Variants in ANO2 observed in about 807,000 individuals in gnomAD.
ANO2 encodes anoctamin-2.
A neutral mutation model predicts 124.2 loss-of-function variants in ANO2; 101 were observed. That is an observed-to-expected ratio of 0.81 (90% CI 0.69 to 0.96). ANO2 has a LOEUF of 0.96. Among genes scored for constraint, ANO2 ranks in the 40% least tolerant of loss-of-function variants. The pLI, the probability that ANO2 is intolerant of heterozygous loss-of-function variation, is 0.00. For synonymous variants in ANO2, 486 were observed against 482.5 expected, an observed-to-expected ratio of 1.01 and a Z score of -0.09; for missense variants, 1,293 against 1,274.5, an observed-to-expected ratio of 1.01 and a Z score of -0.22.
At chr12:5,629,352 C>T (rs886414959) in intron 16 of ANO2, among the ~76,000 whole-genome samples, 10 of 152,186 alleles carry the variant, frequency 6.6e-5, no homozygotes, top group Non-Finnish European at 1.2e-4. Context: ...AGAGACAGGC[C>T]GCCTTTCCAG....
At chr12:5,850,462 A>C (rs1455712234) in intron 4 of ANO2, among the ~76,000 whole-genome samples, 1 of 151,638 alleles carries the variant, frequency 6.6e-6, no homozygotes, top group East Asian at 1.9e-4. Flanking sequence ...ATCTGGGGCC[A>C]TGTGGTAAAA....
chr12:5,832,351 G>T, intron 5 of ANO2, 101 bp downstream of exon 5: 1 of 1,397,320 alleles, frequency 7.2e-7, no homozygotes. Context: ...CCAGGCACTG[G>T]GGCACCCACT....
At chr12:5,720,436 A>C (rs1020787293) in intron 14 of ANO2, among the ~76,000 whole-genome samples, 5 of 152,192 alleles carry the variant, frequency 3.3e-5, no homozygotes, top group African/African-American at 1.2e-4. Flanking sequence ...AAGGAAGTGA[A>C]ATAACGACCT....
intron 13 of ANO2, among the ~76,000 whole-genome samples, chr12:5,733,438 T>C (rs1030807040): frequency 1.3e-5 from 2 of 152,230 alleles, no homozygotes; most frequent in African/African-American, 4.8e-5. Flanking sequence ...CAGGTCTTCC[T>C]TACGGTTTCC....
At position 5,904,138 on chromosome 12, in the gene ANO2, C is replaced by G. The variant is rs550257957; in HGVS notation, c.534+16902G>C. Among the ~76,000 whole-genome samples the G allele has an allele frequency of 1.3e-5, 2 of 152,266 alleles. No individual in the cohort carries two copies. The highest frequency in any genetic ancestry group is 2.1e-4 in the South Asian group (1 of 4,822). The stretch of plus-strand genomic sequence containing the variant: ...CAGGCCTCTGTGCTTGAAGAGTGTT[C>G]CAGCCCAAATGTTGCCTGGCTGCTG... On this transcript the variant is annotated intron_variant, in intron 3 of 24. Coordinates refer to ENST00000682330, the MANE Select transcript of ANO2 (RefSeq NM_001364791.2). This position sits in a 1 kb window ranked among gnomAD's most constrained non-coding sequence, Gnocchi z 4.1.
chr12:5,760,786 T>G (rs1951717489), intron 10 of ANO2, among the ~76,000 whole-genome samples: 1 of 152,048 alleles, frequency 6.6e-6, no homozygotes, highest in Admixed American at 6.5e-5. Flanking sequence ...CTTTAACACC[T>G]AAAACTCCTC....
chr12:5,903,960 G>A (rs2136285090), intron 3 of ANO2, among the ~76,000 whole-genome samples: 1 of 152,282 alleles, frequency 6.6e-6, no homozygotes, highest in Non-Finnish European at 1.5e-5. Context: ...CCCTCCGTGA[G>A]TAGCCCCCAC....
chr12:5,798,633 A>T (rs1952945360), intron 10 of ANO2, among the ~76,000 whole-genome samples: 1 of 152,220 alleles, frequency 6.6e-6, no homozygotes, highest in African/African-American at 2.4e-5. Flanking sequence ...CCAGCGGCCC[A>T]TCTTTTCCAA....
At chr12:5,698,053 T>G (rs959609324) in intron 14 of ANO2, among the ~76,000 whole-genome samples, 1 of 152,144 alleles carries the variant, frequency 6.6e-6, no homozygotes. Flanking sequence ...CAGCAGAAAT[T>G]TCTGCAGACT....
intron 23 of ANO2, among the ~76,000 whole-genome samples, chr12:5,571,930 A>C (rs1942147874): frequency 6.6e-6 from 1 of 152,168 alleles, no homozygotes; most frequent in Non-Finnish European, 1.5e-5. Flanking sequence ...CAGCCCCCAG[A>C]GCACACCTAT....
At chr12:5,748,738 C>T (rs934592813) in intron 11 of ANO2, among the ~76,000 whole-genome samples, 2 of 151,962 alleles carry the variant, frequency 1.3e-5, no homozygotes, top group Non-Finnish European at 1.5e-5. Context: ...ATGCCTCATG[C>T]TAGATGCACT....
At position 5,697,440 on chromosome 12, in the gene ANO2, T is replaced by C. The variant is rs552034952; in HGVS notation, c.1545+35080A>G. On this transcript the variant is annotated intron_variant, in intron 14 of 24. Coordinates refer to ENST00000682330, the MANE Select transcript of ANO2 (RefSeq NM_001364791.2). The stretch of plus-strand genomic sequence containing the variant: ...GAGCAAGACTCAGTCTCAAAAAAAA[T>C]AAATAAATAAAATTAAAAAATTAAA... Among the ~76,000 whole-genome samples, 12 of 151,728 alleles carry C rather than the reference T, an allele frequency of 7.9e-5. No homozygotes were observed. In the South Asian group the frequency reaches 1.9e-3, roughly 24 times the overall value.
rs1941564056 is a variant in ANO2, at chr12:5,563,475, A to G, written c.2821T>C (p.Leu941=). ...SDQIKKEKSL[L]VDFFLKEEHE... ...TCCTCTTTCAGGAAGAAATCCACTA[A>G]TAAGCTCTTCTCTTTCTTGATCTGG... Residue 941 remains leucine, a synonymous_variant, in exon 25 of 25, where the codon TTA becomes CTA. Coordinates refer to ENST00000682330, the MANE Select transcript of ANO2 (RefSeq NM_001364791.2). 5.0e-6 allele frequency: 8 copies of G among 1,613,832 alleles called. No homozygotes were observed. The South Asian group carries it at 5.5e-5, about 11-fold the overall frequency.
Position 5,578,527 on chromosome 12 carries a change from G to T in ANO2, c.2234-9C>A, listed in dbSNP as rs760238447. The T allele has an allele frequency of 6.2e-7, 1 of 1,611,280 alleles. No homozygotes were observed. The highest frequency in any genetic ancestry group is 1.3e-5 in the African/African-American group (1 of 74,906). On this transcript the variant is annotated splice_polypyrimidine_tract_variant and intron_variant, in intron 20 of 24. Transcript: ENST00000682330. ...AAAACCAAACTGGATGACTGCGAGA[G>T]AGCACAGCATGAGGGCTTCAGCAGG...
chr12:5,851,854 G>A lies in ANO2; in HGVS notation c.633+2189C>T, dbSNP rs181837907. The A allele has an allele frequency of 7.3e-4, 507 of 697,576 alleles. 3 individuals are homozygous for A. Among genetic ancestry groups the A allele is most frequent in the African/African-American group, 6.0e-3 (343 of 56,936 alleles). The allele number at this position is 697,576 out of a possible 1,614,324, so 43.2% of individuals were successfully genotyped here. On this transcript the variant is annotated intron_variant, in intron 4 of 24. Transcript: ENST00000682330. ...AAGCAAAGAGGGAAAATAAGCAAGC[G>A]GAGGTTGAAAAAGGACACACTTTTC...
intron 3 of ANO2, among the ~76,000 whole-genome samples, chr12:5,897,114 T>C (rs1939843749): frequency 6.6e-6 from 1 of 151,700 alleles, no homozygotes; most frequent in South Asian, 2.1e-4. Flanking sequence ...AATCATCAGA[T>C]AGATGCAGAG....
chr12:5,712,627 C>T (rs76484168), intron 14 of ANO2, among the ~76,000 whole-genome samples: 32 of 152,268 alleles, frequency 2.1e-4, no homozygotes, highest in African/African-American at 7.7e-4. Flanking sequence ...TAAGCCCTCC[C>T]GTTTGCAGTC....
rs149993722 is a variant in ANO2 at position 5,797,350 on chromosome 12, C to T, written c.1055+2157G>A. ...ATTGGGGAGTGGGAAGTGAAAGTGA[C>T]GCCAGTCAGGGATTACTGAGGTCTC... On this transcript the variant is annotated intron_variant, in intron 10 of 24. Coordinates refer to ENST00000682330, the MANE Select transcript of ANO2 (RefSeq NM_001364791.2). Among the ~76,000 whole-genome samples the T allele has an allele frequency of 4.8e-3, 728 of 152,084 alleles. 9 individuals carry two copies. The highest frequency in any genetic ancestry group is 0.017 in the African/African-American group (692 of 41,472).
intron 20 of ANO2, among the ~76,000 whole-genome samples, chr12:5,580,497 T>G (rs1942682736): frequency 6.6e-6 from 1 of 152,184 alleles, no homozygotes; most frequent in South Asian, 2.1e-4. Flanking sequence ...CAAGCCTGTT[T>G]GTTTCAATGG....
Sources: gnomAD v4.1 joint callset for allele counts (sites outside exome capture counted in the v4.1 genomes callset) on GRCh38, gnomAD v4.1.1 for gene constraint, Gnocchi (gnomAD v3.1) non-coding constraint, MANE v1.5 for transcripts, NCBI Gene and HGNC (gene_info 2026-07-23, HGNC 2026-07-21) for gene names.